CNTN5: variants seen among roughly 807,000 people sequenced by gnomAD.
CNTN5 encodes the protein contactin 5.
In CNTN5, 77 loss-of-function variants were observed where a neutral mutation model predicts 129.1. The observed-to-expected ratio is 0.60, with a 90% CI of 0.50 to 0.72. CNTN5 has a LOEUF of 0.72. Among genes scored for constraint, CNTN5 ranks in the 30% least tolerant of loss-of-function variants. CNTN5 has a pLI of 0.00. For synonymous variants in CNTN5, 509 were observed against 465.6 expected, an observed-to-expected ratio of 1.09 and a Z score of -1.20; for missense variants, 1,478 against 1,328.8, an observed-to-expected ratio of 1.11 and a Z score of -1.75.
intron 17 of CNTN5, among the ~76,000 whole-genome samples, chr11:100,263,268 G>A (rs1184230649): frequency 1.3e-5 from 2 of 152,114 alleles, no homozygotes; most frequent in Non-Finnish European, 2.9e-5. Flanking sequence ...CTATTGACCT[G>A]TTTTGAAATA....
chr11:99,961,833 C>T (rs1950954672), intron 8 of CNTN5, among the ~76,000 whole-genome samples: 1 of 152,104 alleles, frequency 6.6e-6, no homozygotes, highest in Admixed American at 6.6e-5. Context: ...GTCCTCACAC[C>T]AAAGCAGAGC....
At chr11:99,787,736 G>A (rs540604845) in intron 3 of CNTN5, among the ~76,000 whole-genome samples, 17 of 151,936 alleles carry the variant, frequency 1.1e-4, no homozygotes, top group Admixed American at 3.3e-4. Flanking sequence ...ACTTTGACCA[G>A]AACCAGAAAA....
At chr11:100,116,715 TGA>T (rs1047957891) in intron 13 of CNTN5, among the ~76,000 whole-genome samples, 1 of 152,018 alleles carries the variant, frequency 6.6e-6, no homozygotes, top group African/African-American at 2.4e-5. Flanking sequence ...CTATTATTCT[TGA>T]CTAATCTCAT....
intron 17 of CNTN5, among the ~76,000 whole-genome samples, chr11:100,269,886 G>A (rs1950376482): frequency 6.6e-6 from 1 of 152,080 alleles, no homozygotes; most frequent in Non-Finnish European, 1.5e-5. Flanking sequence ...TAGGTTCTGG[G>A]CTAGAGAAGG....
At chr11:99,447,166 C>A (rs1031022957) in intron 2 of CNTN5, among the ~76,000 whole-genome samples, 7 of 152,124 alleles carry the variant, frequency 4.6e-5, no homozygotes, top group African/African-American at 1.7e-4. Context: ...TCAATTTCTT[C>A]ATTTCTTAAA....
intron 2 of CNTN5, among the ~76,000 whole-genome samples, chr11:99,544,711 G>T (rs1184158505): frequency 1.3e-5 from 2 of 152,122 alleles, no homozygotes; most frequent in African/African-American, 2.4e-5. Context: ...GTCTGCAAAG[G>T]CTGGTGCTAC....
rs11220743 is a variant in CNTN5 at position 99,633,036 on chromosome 11, G to A, written c.55+76767G>A. On this transcript the variant is annotated intron_variant, in intron 3 of 24. Coordinates refer to ENST00000524871, the MANE Select transcript of CNTN5 (RefSeq NM_014361.4). ...TCCCTAAGTTAGTTCACAATTTTTA[G>A]GCATGAAGGACTGTAAAAGTATGAG... 9.8e-3 allele frequency among the ~76,000 whole-genome samples: 1,487 copies of A among 152,054 alleles called. 38 individuals are homozygous for A. Among genetic ancestry groups the A allele is most frequent in the Admixed American group, 0.046 (701 of 15,266 alleles).
In CNTN5 at chr11:99,644,243, C is replaced by T. The variant is rs1444632227; in HGVS notation, c.55+87974C>T. ...GAAACTCCTCCTATTACGTCTTTTT[C>T]CTTTGCTCGTTTTGCTTTGAGTTCC... On this transcript the variant is annotated intron_variant, in intron 3 of 24. Coordinates refer to ENST00000524871, the MANE Select transcript of CNTN5 (RefSeq NM_014361.4). Among the ~76,000 whole-genome samples the T allele has an allele frequency of 2.6e-5, 4 of 152,068 alleles. No individual in the cohort carries two copies. In the East Asian group the frequency reaches 7.7e-4, roughly 29 times the overall value.
intron 3 of CNTN5, among the ~76,000 whole-genome samples, chr11:99,669,611 A>AT (rs1008115814): frequency 6.6e-6 from 1 of 152,024 alleles, no homozygotes; most frequent in Non-Finnish European, 1.5e-5. Context: ...TGTTTGATAT[A>AT]TTTTTCTAGA....
intron 2 of CNTN5, among the ~76,000 whole-genome samples, chr11:99,484,530 T>A (rs1945732142): frequency 6.6e-6 from 1 of 152,184 alleles, no homozygotes; most frequent in Non-Finnish European, 1.5e-5. Flanking sequence ...CACTACTGGG[T>A]ATTTATTCAA....
At chr11:99,764,186 T>G (rs894790465) in intron 3 of CNTN5, among the ~76,000 whole-genome samples, 1 of 152,072 alleles carries the variant, frequency 6.6e-6, no homozygotes, top group South Asian at 2.1e-4. Flanking sequence ...AATAAAGGCC[T>G]AGATGTACAA....
chr11:99,909,475 G>A (rs1949597022), intron 6 of CNTN5, among the ~76,000 whole-genome samples: 1 of 152,032 alleles, frequency 6.6e-6, no homozygotes, highest in African/African-American at 2.4e-5. Flanking sequence ...ATACCCAAAG[G>A]ATTATAAAAC....
At chr11:99,573,895 TC>T (rs1413539926) in intron 3 of CNTN5, among the ~76,000 whole-genome samples, 1 of 152,148 alleles carries the variant, frequency 6.6e-6, no homozygotes, top group Non-Finnish European at 1.5e-5. Flanking sequence ...TTAAAAGAAA[TC>T]AAAGCTAAAA....
chr11:99,877,785 T>C (rs1247198572), intron 6 of CNTN5, among the ~76,000 whole-genome samples: 1 of 152,228 alleles, frequency 6.6e-6, no homozygotes, highest in African/African-American at 2.4e-5. Flanking sequence ...GCTTTCCTCA[T>C]AACTATTAAA....
At chr11:99,730,899 C>T (rs1255222075) in intron 3 of CNTN5, among the ~76,000 whole-genome samples, 3 of 152,106 alleles carry the variant, frequency 2.0e-5, no homozygotes, top group African/African-American at 7.2e-5. Context: ...TTCCTTCTAC[C>T]TAAGTGTATG....
At chr11:99,951,386 A>G (rs564117189) in intron 7 of CNTN5, among the ~76,000 whole-genome samples, 1 of 152,068 alleles carries the variant, frequency 6.6e-6, no homozygotes, top group South Asian at 2.1e-4. Flanking sequence ...TTTCACTACT[A>G]CTTGTTGATA....
chr11:99,759,490 A>C (rs1182051456), intron 3 of CNTN5, among the ~76,000 whole-genome samples: 1 of 152,028 alleles, frequency 6.6e-6, no homozygotes, highest in African/African-American at 2.4e-5. Flanking sequence ...AGTTTCAAAG[A>C]GGGTGAAAAT....
intron 15 of CNTN5, among the ~76,000 whole-genome samples, chr11:100,204,549 C>G (rs1426047735): frequency 6.6e-6 from 1 of 150,548 alleles, no homozygotes; most frequent in Non-Finnish European, 1.5e-5. Flanking sequence ...AATCTCAGCT[C>G]ACTATAGCCC....
chr11:99,504,763 T>C (rs1219480994), intron 2 of CNTN5, among the ~76,000 whole-genome samples: 1 of 152,144 alleles, frequency 6.6e-6, no homozygotes, highest in Non-Finnish European at 1.5e-5. Flanking sequence ...AACCTTCTTT[T>C]GCTGACTCCA....
Sources: gnomAD v4.1 joint callset for allele counts (sites outside exome capture counted in the v4.1 genomes callset) on GRCh38, gnomAD v4.1.1 for gene constraint, MANE v1.5 for transcripts, NCBI Gene and HGNC (gene_info 2026-07-23, HGNC 2026-07-21) for gene names.